BOD1L1: variants seen among roughly 807,000 people sequenced by gnomAD.
The protein encoded by BOD1L1 is biorientation of chromosomes in cell division 1 like 1, also known as biorientation of chromosomes in cell division protein 1-like 1.
Under a neutral mutation model 240.7 loss-of-function variants are expected in BOD1L1, and 86 were observed. That is an observed-to-expected ratio of 0.36 (90% CI 0.30 to 0.43). The LOEUF is 0.43. Ranked by LOEUF, BOD1L1 falls within the 20% of genes least tolerant of loss-of-function variation. BOD1L1 has a pLI of 1.00. For synonymous variants in BOD1L1, 1,268 were observed against 1,272.3 expected, an observed-to-expected ratio of 1.00 and a Z score of 0.07; for missense variants, 3,554 against 3,643.5, an observed-to-expected ratio of 0.98 and a Z score of 0.63.
chr4:13,602,279 T>A lies in BOD1L1; in HGVS notation c.4621A>T (p.Thr1541Ser). 6.2e-7 allele frequency: 1 copy of A among 1,614,018 alleles called. No homozygotes were observed. Among genetic ancestry groups the A allele is most frequent in the Non-Finnish European group, 8.5e-7 (1 of 1,179,886 alleles). The stretch of plus-strand genomic sequence containing the variant: ...TCACTTTGTCTTGTTTCTGAAGAAG[T>A]GGTTGTGGCAGGCCCAGCCTTCACT... ...SPVKAGPATT[T>S]SSETRQSEVA... The change falls in exon 10 of 26, where the codon ACT becomes TCT. Residue 1541 changes from threonine to serine, a missense_variant. Transcript: ENST00000040738.
At position 13,603,241 on chromosome 4, in the gene BOD1L1, T is replaced by A. The variant is rs1336823691; in HGVS notation, c.3659A>T (p.Glu1220Val). 1 of 1,613,872 alleles carries A rather than the reference T, an allele frequency of 6.2e-7. No homozygotes were observed. Among genetic ancestry groups the A allele is most frequent in the African/African-American group, 1.3e-5 (1 of 74,938 alleles). ...QSAVSKMNPG[E>V]KEPIHRGTTE... ...AGTTCCTCTATGAATGGGTTCTTTC[T>A]CCCCAGGGTTCATTTTGGACACAGC... Residue 1220 changes from glutamate to valine, a missense_variant, in exon 10 of 26, where the codon GAG (glutamate) becomes GTG (valine). Transcript: ENST00000040738.
chr4:13,585,682 G>A (rs1046185636), intron 17 of BOD1L1, among the ~76,000 whole-genome samples: 3 of 152,158 alleles, frequency 2.0e-5, no homozygotes, highest in Non-Finnish European at 4.4e-5. Context: ...ATCTCATTTT[G>A]AATTATAGGT....
chr4:13,617,307 C>T (rs1033217306), intron 2 of BOD1L1, among the ~76,000 whole-genome samples: 3 of 151,964 alleles, frequency 2.0e-5, no homozygotes, highest in Non-Finnish European at 4.4e-5. Flanking sequence ...CTATCCACTC[C>T]CAAATTTTTG....
Position 13,600,715 on chromosome 4 carries a change from G to C in BOD1L1, c.6185C>G (p.Ala2062Gly), listed in dbSNP as rs761264548. The C allele has an allele frequency of 4.3e-6, 7 of 1,613,868 alleles. No individual in the cohort carries two copies. Among genetic ancestry groups the C allele is most frequent in the Non-Finnish European group, 5.9e-6 (7 of 1,179,898 alleles). The change falls in exon 10 of 26, where the codon GCA (alanine) becomes GGA (glycine). Residue 2062 changes from alanine (A) to glycine (G), a missense_variant. This residue lies in a region of BOD1L1 where 3,393 missense variants were observed against 3,427.1 expected (regional missense o/e 0.99). Transcript: ENST00000040738. The stretch of plus-strand genomic sequence containing the variant: ...AACTTTGCCTTGATTTTTACCCCCT[G>C]CTAAGCTATTCTGGTTGGTAATATC... ...SGDITNQNSL[A>G]GGKNQGKVLI... is the part of the protein sequence containing the mutation.
At chr4:13,607,095 A>G (rs375608719) in intron 9 of BOD1L1, 22 bp downstream of exon 9, 3 of 1,458,666 alleles carry the variant, frequency 2.1e-6, no homozygotes, top group South Asian at 2.5e-5. Context: ...AGCATTTGAA[A>G]TGAGGTTTTA....
At chr4:13,626,478 T>G (rs1717404091) in intron 1 of BOD1L1, among the ~76,000 whole-genome samples, 1 of 152,190 alleles carries the variant, frequency 6.6e-6, no homozygotes, top group Non-Finnish European at 1.5e-5. Flanking sequence ...GTACTGTGGT[T>G]TTCCATCCAT....
At position 13,603,558 on chromosome 4, in the gene BOD1L1, G is replaced by A. The variant is rs767559980; in HGVS notation, c.3342C>T (p.Ile1114=). Residue 1114 remains isoleucine, a synonymous_variant, in exon 10 of 26, where the codon ATC becomes ATT. Transcript: ENST00000040738. The stretch of plus-strand genomic sequence containing the variant: ...CAATTTCCATTGGCTCTTGTTCAGG[G>A]ATCAATGTCATATCACCACTCTTTT... ...RPKKSGDMTL[I]PEQEPMEIDS... 5 of 1,613,990 alleles carry A rather than the reference G, an allele frequency of 3.1e-6. No homozygotes were observed. The highest frequency in any genetic ancestry group is 4.2e-6 in the Non-Finnish European group (5 of 1,179,888).
Position 13,602,689 on chromosome 4 carries a change from C to A in BOD1L1, c.4211G>T (p.Gly1404Val). Reference sequence around the variant, plus strand: ...TTTCTTGGCCATGTCCACTAAGCCACCTTCTTTGGTAATATTCTCATTTTC... The same window carrying A: ...TTTCTTGGCCATGTCCACTAAGCCAACTTCTTTGGTAATATTCTCATTTTC... ...IVENENITKE[G>V]GLVDMAKKEN... is the part of the protein sequence containing the mutation. The change falls in exon 10 of 26, where the codon GGT becomes GTT. Residue 1404 changes from glycine to valine, a missense_variant. By Grantham distance (109) the Gly-to-Val change is moderately radical (BLOSUM62 -3). Coordinates refer to ENST00000040738, the MANE Select transcript of BOD1L1 (RefSeq NM_148894.3). 1.9e-6 allele frequency: 3 copies of A among 1,613,994 alleles called. No individual in the cohort carries two copies. Among genetic ancestry groups the A allele is most frequent in the Non-Finnish European group, 2.5e-6 (3 of 1,179,892 alleles).
In BOD1L1 at chr4:13,604,824, T is replaced by C. The variant is rs1476769300; in HGVS notation, c.2076A>G (p.Lys692=). 2.5e-6 allele frequency: 4 copies of C among 1,612,270 alleles called. No homozygotes were observed. ...TTTCGTTTTTAAGTGTGCTTTTCTG[T>C]TTCTGGGGCTCTTCGGTGCAAATTT... ...RSEICTEEPQ[K]QKSTLKNEKH... is the part of the protein sequence containing the mutation. Residue 692 remains lysine, a synonymous_variant, in exon 10 of 26, where the codon AAA becomes AAG. Coordinates refer to ENST00000040738, the MANE Select transcript of BOD1L1 (RefSeq NM_148894.3).
chr4:13,608,574 T>C lies in BOD1L1; in HGVS notation c.1698A>G (p.Leu566=). 2 of 1,545,224 alleles carry C rather than the reference T, an allele frequency of 1.3e-6. No homozygotes were observed. Among genetic ancestry groups the C allele is most frequent in the South Asian group, 1.3e-5 (1 of 79,994 alleles). Residue 566 remains leucine (L), a synonymous_variant, in exon 8 of 26, where the codon TTA becomes TTG. Coordinates refer to ENST00000040738, the MANE Select transcript of BOD1L1 (RefSeq NM_148894.3). ...TTTTGCTTAAGGCTACTTTTTTTTC[T>C]AAAACTTTCCGTTCTTTAAGGACTT... is the stretch of plus-strand genomic sequence containing the variant. The part of the protein sequence containing the change: ...IKEVLKERKV[L]EKKVALSKKR...
Position 13,570,116 on chromosome 4 carries a change from CTG to C in BOD1L1, c.9049_9050del (p.Gln3017AlafsTer73). ...TCTTGCGCTTGATAGAAGGGGAGAG[CTG>C]TGTCTTTGATCTGCATTAAGCAAAG... ...TRSEAQRSKT[Q>X]LSPSIKRKRE... On this transcript the variant is annotated frameshift_variant, in exon 26 of 26. Transcript: ENST00000040738. LOFTEE classifies it high-confidence loss of function. The C allele has an allele frequency of 6.3e-7, 1 of 1,594,890 alleles. No homozygotes were observed. The highest frequency in any genetic ancestry group is 8.5e-7 in the Non-Finnish European group (1 of 1,172,628).
At chr4:13,578,488 T>A (rs941661482) in intron 22 of BOD1L1, among the ~76,000 whole-genome samples, 1 of 152,240 alleles carries the variant, frequency 6.6e-6, no homozygotes, top group Non-Finnish European at 1.5e-5. Context: ...TCTGAATAAA[T>A]TCAAAATCTG....
intron 21 of BOD1L1, 34 bp downstream of exon 21, chr4:13,580,986 G>T (rs1713179866): frequency 6.4e-7 from 1 of 1,552,040 alleles, no homozygotes. Flanking sequence ...TTAAGAGCAA[G>T]TATTTGAAAT....
At chr4:13,605,477 C>CAA (rs1230285978) in intron 9 of BOD1L1, among the ~76,000 whole-genome samples, 3 of 152,170 alleles carry the variant, frequency 2.0e-5, no homozygotes, top group African/African-American at 4.8e-5. Context: ...ACTTGACACT[C>CAA]AGACCACAAG....
At chr4:13,571,208 A>T (rs1156800283) in intron 25 of BOD1L1, among the ~76,000 whole-genome samples, 1 of 152,124 alleles carries the variant, frequency 6.6e-6, no homozygotes, top group East Asian at 1.9e-4. Flanking sequence ...AGATTTATTC[A>T]TTTTTCTAAC....
At chr4:13,616,372 C>T (rs762499314) in intron 2 of BOD1L1, among the ~76,000 whole-genome samples, 1 of 152,144 alleles carries the variant, frequency 6.6e-6, no homozygotes, top group Non-Finnish European at 1.5e-5. Flanking sequence ...TTCATTTCTA[C>T]AGAAGAGAAG....
At chr4:13,590,866 G>A (rs1421323706) in intron 13 of BOD1L1, among the ~76,000 whole-genome samples, 1 of 151,826 alleles carries the variant, frequency 6.6e-6, no homozygotes, top group Non-Finnish European at 1.5e-5. Context: ...AAACTGAGGG[G>A]AAAGGCTCAG....
intron 24 of BOD1L1, among the ~76,000 whole-genome samples, 167 bp from the exon 25 acceptor site, chr4:13,577,158 A>C (rs1712821114): frequency 6.6e-6 from 1 of 152,168 alleles, no homozygotes; most frequent in Non-Finnish European, 1.5e-5. Flanking sequence ...GTTTAACTTA[A>C]TCTCAAACAC....
chr4:13,611,187 A>C, intron 5 of BOD1L1, 87 bp from the exon 6 acceptor site: 1 of 915,418 alleles, frequency 1.1e-6, no homozygotes, highest in Non-Finnish European at 1.6e-6. Context: ...AGGCAAGATG[A>C]ATTGGAGGTC....
Sources: gnomAD v4.1 joint callset for allele counts (sites outside exome capture counted in the v4.1 genomes callset) on GRCh38, gnomAD v4.1.1 for gene constraint, gnomAD v4.1.1 regional missense constraint, MANE v1.5 for transcripts, NCBI Gene and HGNC (gene_info 2026-07-23, HGNC 2026-07-21) for gene names.